The following MAP3K11 variants were observed in gnomAD, a reference collection of about 807,000 sequenced individuals.
MAP3K11 encodes mitogen-activated protein kinase kinase kinase 11.
Under a neutral mutation model 84.9 loss-of-function variants are expected in MAP3K11, and 46 were observed. The observed-to-expected ratio is 0.54, with a 90% CI of 0.43 to 0.69. MAP3K11 has a LOEUF of 0.69. Among genes scored for constraint, MAP3K11 ranks in the 30% least tolerant of loss-of-function variants. The pLI, the probability that MAP3K11 is intolerant of heterozygous loss-of-function variation, is 0.00. For missense variants in MAP3K11, 1,053 were observed against 1,198.3 expected (o/e 0.88, Z 1.79); for synonymous variants, 527 against 514.7 (o/e 1.02, Z -0.32).
At chr11:65,609,209 AC>A (rs1178514564) in intron 1 of MAP3K11, 1 of 152,146 alleles carries the variant, frequency 6.6e-6, no homozygotes, top group Non-Finnish European at 1.5e-5. Flanking sequence ...GTGAATCAGA[AC>A]CCCCCTTAGA....
Position 65,614,107 on chromosome 11 carries a change from G to GGCA in MAP3K11, c.-354_-352dup. On this transcript the variant is annotated 5_prime_UTR_variant, in exon 1 of 10. Coordinates refer to ENST00000309100, the MANE Select transcript of MAP3K11 (RefSeq NM_002419.4). ...CCAAGTGTAAGGTGGGGCCTTCAGG[G>GGCA]GCAGCGCCTCAACTCCGGTTGGGTC... 4.0e-6 allele frequency: 1 copy of GGCA among 248,806 alleles called. No homozygotes were observed. Among genetic ancestry groups the GGCA allele is most frequent in the Non-Finnish European group, 7.8e-6 (1 of 127,904 alleles). The allele number at this position is 248,806 out of a possible 1,614,324, so 15.4% of individuals were successfully genotyped here.
At chr11:65,605,538 C>A in intron 8 of MAP3K11, 1 of 474,012 alleles carries the variant, frequency 2.1e-6, no homozygotes, top group Non-Finnish European at 3.7e-6. Flanking sequence ...AGACTCTGGG[C>A]CCCGAGCCGA....
chr11:65,599,890 TC>T, intron 8 of MAP3K11, 122 bp from the exon 9 acceptor site: 1 of 1,042,928 alleles, frequency 9.6e-7, no homozygotes, highest in Non-Finnish European at 1.4e-6. Context: ...TCTTCCCTGG[TC>T]CCACAGGTCC....
intron 6 of MAP3K11, 134 bp downstream of exon 6, chr11:65,606,557 C>A: frequency 3.2e-6 from 2 of 634,176 alleles, no homozygotes; most frequent in East Asian, 3.0e-5. Flanking sequence ...AGGTAACAGG[C>A]TAGACCTAAG....
At chr11:65,598,698 G>A in intron 9 of MAP3K11, 70 bp from the exon 10 acceptor site, 1 of 1,185,560 alleles carries the variant, frequency 8.4e-7, no homozygotes, top group South Asian at 1.8e-5. Context: ...ACACTGTCCT[G>A]CTCTGGGCCT....
chr11:65,607,238 T>C (rs1590856814), intron 5 of MAP3K11, 32 bp downstream of exon 5: 1 of 1,441,688 alleles, frequency 6.9e-7, no homozygotes, highest in East Asian at 2.8e-5. Context: ...CCGCAGCCAA[T>C]GGCGGGGGAC....
At chr11:65,606,433 T>C (rs891262973) in intron 6 of MAP3K11, 11 of 424,484 alleles carry the variant, frequency 2.6e-5, no homozygotes, top group Admixed American at 1.8e-4. Flanking sequence ...CCAAATAGAA[T>C]TATTGCAAGA....
chr11:65,600,831 A>G (rs1314280400), intron 8 of MAP3K11, among the ~76,000 whole-genome samples: 1 of 152,120 alleles, frequency 6.6e-6, no homozygotes, highest in Non-Finnish European at 1.5e-5. Context: ...GGAGTGCAGC[A>G]GCAGGTTGGA....
At chr11:65,600,644 CT>C (rs1181575155) in intron 8 of MAP3K11, among the ~76,000 whole-genome samples, 1 of 152,214 alleles carries the variant, frequency 6.6e-6, no homozygotes, top group Non-Finnish European at 1.5e-5. Flanking sequence ...TGGGGAACCC[CT>C]CATTAAGGAC....
rs1412829529 is a variant in MAP3K11 at position 65,607,308 on chromosome 11, C to G, written c.1451G>C (p.Arg484Pro). 1 of 1,523,052 alleles carries G rather than the reference C, an allele frequency of 6.6e-7. No individual in the cohort carries two copies. The highest frequency in any genetic ancestry group is 8.7e-7 in the Non-Finnish European group (1 of 1,144,464). The allele number at this position is 1,523,052 out of a possible 1,614,324, so 94.3% of individuals were successfully genotyped here. ...RRGTFKRSKL[R>P]ARDGGERISM... The stretch of plus-strand genomic sequence containing the variant: ...GATACGCTCGCCGCCGTCGCGCGCC[C>G]GGAGCTTGCTGCGCTTGAATGTCCC... Residue 484 changes from arginine to proline, a missense_variant, in exon 5 of 10, where the codon CGG becomes CCG. This residue lies in a region of MAP3K11 where 583 missense variants were observed against 566.6 expected (regional missense o/e 1.03). Transcript: ENST00000309100.
Position 65,613,066 on chromosome 11 carries a change from A to G in MAP3K11, c.691T>C (p.Cys231Arg). The change falls in exon 1 of 10, where the codon TGC becomes CGC. Residue 231 changes from cysteine (C) to arginine (R), a missense_variant. Transcript: ENST00000309100. Reference sequence around the variant, plus strand: ...TGGATGACGGGCACCAGGGCCTCGCAGTGCAGGTAGTGCATCCCACGGGCA... The same window carrying G: ...TGGATGACGGGCACCAGGGCCTCGCGGTGCAGGTAGTGCATCCCACGGGCA... ...QIARGMHYLH[C>R]EALVPVIHRD... 6.6e-7 allele frequency: 1 copy of G among 1,522,560 alleles called. No individual in the cohort carries two copies. The highest frequency in any genetic ancestry group is 8.8e-7 in the Non-Finnish European group (1 of 1,135,012). 94.3% of individuals were successfully genotyped at this position (1,522,560 alleles called of 1,614,324 possible). A position where few individuals can be genotyped will look rare whatever the true frequency, so the allele number is the denominator to read the frequency against.
At chr11:65,612,284 CT>C (rs1854578524) in intron 1 of MAP3K11, 1 of 152,284 alleles carries the variant, frequency 6.6e-6, no homozygotes, top group Non-Finnish European at 1.5e-5. Context: ...GTGTCGGGGG[CT>C]TGAAATGATG....
At chr11:65,607,212 G>T in intron 5 of MAP3K11, 58 bp downstream of exon 5, 1 of 1,431,646 alleles carries the variant, frequency 7.0e-7, no homozygotes. Flanking sequence ...ACACAGGCCT[G>T]GCTCCACCCC....
At chr11:65,606,663 G>A in intron 6 of MAP3K11, 28 bp downstream of exon 6, 1 of 1,483,222 alleles carries the variant, frequency 6.7e-7, no homozygotes, top group Non-Finnish European at 9.2e-7. Flanking sequence ...GGGGGGCGGA[G>A]AGGGGCATGA....
chr11:65,604,099 C>T (rs1217940078), intron 8 of MAP3K11, among the ~76,000 whole-genome samples: 1 of 152,270 alleles, frequency 6.6e-6, no homozygotes, highest in African/African-American at 2.4e-5. Flanking sequence ...TGAAGAATTT[C>T]TTTGGGTTGA....
Position 65,607,998 on chromosome 11 carries a change from G to A in MAP3K11, c.993C>T (p.Ala331=). 6.2e-7 allele frequency: 1 copy of A among 1,614,192 alleles called. No individual in the cohort carries two copies. Among genetic ancestry groups the A allele is most frequent in the Non-Finnish European group, 8.5e-7 (1 of 1,180,038 alleles). Reference sequence around the variant, plus strand: ...TGAGCTTGTTAACAGCTACGCCATAGGCCACAGCAAGGCAGTCAATGCCAC... The same window carrying A: ...TGAGCTTGTTAACAGCTACGCCATAAGCCACAGCAAGGCAGTCAATGCCAC... The part of the protein sequence containing the change: ...PYRGIDCLAV[A]YGVAVNKLTL... The change falls in exon 3 of 10, where the codon GCC becomes GCT. Residue 331 remains alanine, a synonymous_variant. Coordinates refer to ENST00000309100, the MANE Select transcript of MAP3K11 (RefSeq NM_002419.4).
intron 1 of MAP3K11, chr11:65,612,127 G>C (rs1854577012): frequency 6.6e-6 from 1 of 152,564 alleles, no homozygotes; most frequent in South Asian, 2.1e-4. Context: ...CTGCTCTCCA[G>C]CCTGCACTCT....
At position 65,599,412 on chromosome 11, in the gene MAP3K11, G is replaced by C; in HGVS notation, c.2188C>G (p.Arg730Gly). ...CACTCACCGCGGGGCTCCTCCTCAC[G>C]TCGGGGGCTCTTGGCTGACCGCTGG... ...VGQRSAKSPR[R>G]EEEPRGGTVS... The change falls in exon 9 of 10, where the codon CGT (arginine) becomes GGT (glycine). Residue 730 changes from arginine to glycine, a missense_variant. This residue lies in a region of MAP3K11 where 583 missense variants were observed against 566.6 expected (regional missense o/e 1.03). Coordinates refer to ENST00000309100, the MANE Select transcript of MAP3K11 (RefSeq NM_002419.4). 1 of 1,532,692 alleles carries C rather than the reference G, an allele frequency of 6.5e-7. No individual in the cohort carries two copies. Among genetic ancestry groups the C allele is most frequent in the Non-Finnish European group, 8.7e-7 (1 of 1,150,574 alleles). The allele number at this position is 1,532,692 out of a possible 1,614,324, so 94.9% of individuals were successfully genotyped here.
At chr11:65,600,453 G>A (rs1431990820) in intron 8 of MAP3K11, among the ~76,000 whole-genome samples, 2 of 152,210 alleles carry the variant, frequency 1.3e-5, no homozygotes, top group Non-Finnish European at 2.9e-5. Flanking sequence ...GAGAGGTTGA[G>A]GGCTTGTGCG....
Sources: allele counts gnomAD v4.1 joint callset (sites outside exome capture counted in the v4.1 genomes callset), GRCh38; gene constraint gnomAD v4.1.1; regional missense constraint gnomAD v4.1.1; transcripts MANE v1.5; gene names NCBI Gene and HGNC (gene_info 2026-07-23, HGNC 2026-07-21).